Variants in TGM6 observed in about 807,000 individuals in gnomAD.
The protein encoded by TGM6 is transglutaminase 6.
A neutral mutation model predicts 77.5 loss-of-function variants in TGM6; 74 were observed. That is an observed-to-expected ratio of 0.96 (90% CI 0.79 to 1.16). The LOEUF is 1.16. Ranked by LOEUF, TGM6 falls within the 50% of genes most tolerant of loss-of-function variation. TGM6 has a pLI of 0.00. For missense variants in TGM6, 968 were observed against 940.2 expected (o/e 1.03, Z -0.39); for synonymous variants, 383 against 378.9 (o/e 1.01, Z -0.12).
intron 9 of TGM6, among the ~76,000 whole-genome samples, chr20:2,406,601 C>T (rs371298183): frequency 6.6e-6 from 1 of 151,332 alleles, no homozygotes; most frequent in Non-Finnish European, 1.5e-5. Flanking sequence ...TCTGGGAGGC[C>T]GAGGCAGGCA....
intron 1 of TGM6, 129 bp downstream of exon 1, chr20:2,381,104 C>A: frequency 7.4e-7 from 1 of 1,355,672 alleles, no homozygotes; most frequent in Non-Finnish European, 1.0e-6. Context: ...CCACCATGAA[C>A]ACATGAACTC....
chr20:2,393,973 C>A (rs186370728), intron 1 of TGM6, among the ~76,000 whole-genome samples: 1 of 152,122 alleles, frequency 6.6e-6, no homozygotes, highest in African/African-American at 2.4e-5. Flanking sequence ...TTAATTCAAC[C>A]TTTGCAGTGA....
rs756743789 is a variant in TGM6 at position 2,403,766 on chromosome 20, A to G, written c.1279A>G (p.Lys427Glu). The G allele has an allele frequency of 1.9e-6, 3 of 1,614,210 alleles. No individual in the cohort carries two copies. The highest frequency in any genetic ancestry group is 4.5e-5 in the East Asian group (2 of 44,876). ...GAAGATTGGGAGATGCATCAGCACCAAGGCGGTGGGCAGTGACTCCCGCGT... is the reference window on the plus strand; with the variant it reads ...GAAGATTGGGAGATGCATCAGCACCGAGGCGGTGGGCAGTGACTCCCGCGT... ...TKKIGRCIST[K>E]AVGSDSRVDI... The change falls in exon 9 of 13, where the codon AAG (lysine) becomes GAG (glutamate). Residue 427 changes from lysine (K) to glutamate (E), a missense_variant. Transcript: ENST00000202625.
rs929980710 is a variant in TGM6, at chr20:2,392,232, C to G, written c.8-2220C>G. 3.3e-5 allele frequency among the ~76,000 whole-genome samples: 5 copies of G among 152,168 alleles called. No individual in the cohort carries two copies. The South Asian group carries it at 1.0e-3, about 32-fold the overall frequency. On this transcript the variant is annotated intron_variant, in intron 1 of 12. Transcript: ENST00000202625. ...GTAGCATCCAGCACAATGCCCAGCA[C>G]GTGAATGAATGAACCCTGAATAGGG...
At position 2,430,911 on chromosome 20, in the gene TGM6, G is replaced by A; in HGVS notation, c.1851G>A (p.Met617Ile). The A allele has an allele frequency of 6.2e-7, 1 of 1,614,176 alleles. No homozygotes were observed. Among genetic ancestry groups the A allele is most frequent in the South Asian group, 1.1e-5 (1 of 91,084 alleles). ...FITIKVLGPA[M>I]VGVAVTVEVT... The stretch of plus-strand genomic sequence containing the variant: ...CCCTTCAGGTTCTGGGCCCAGCCAT[G>A]GTGGGAGTGGCAGTTACAGTGGAAG... Residue 617 changes from methionine to isoleucine, a missense_variant, in exon 12 of 13, where the codon ATG becomes ATA. Transcript: ENST00000202625.
chr20:2,420,062 G>A lies in TGM6; in HGVS notation c.1678+2489G>A, dbSNP rs185580854. Among the ~76,000 whole-genome samples, 48 of 152,266 alleles carry A rather than the reference G, an allele frequency of 3.2e-4. 1 individual carries two copies. The East Asian group carries it at 5.8e-3, about 18-fold the overall frequency. On this transcript the variant is annotated intron_variant, in intron 10 of 12. Coordinates refer to ENST00000202625, the MANE Select transcript of TGM6 (RefSeq NM_198994.3). ...GATGGAGACCATCCTAGCTAACACA[G>A]TGAAACCCCATCTCTACTAAAAATA...
intron 1 of TGM6, among the ~76,000 whole-genome samples, chr20:2,381,805 C>G (rs1396293100): frequency 6.6e-6 from 1 of 152,166 alleles, no homozygotes; most frequent in Non-Finnish European, 1.5e-5. Flanking sequence ...AAAGTCCCAG[C>G]TACTTGGGAG....
At chr20:2,395,868 A>G (rs1166924985) in intron 3 of TGM6, among the ~76,000 whole-genome samples, 2 of 152,236 alleles carry the variant, frequency 1.3e-5, no homozygotes, top group Non-Finnish European at 2.9e-5. Context: ...GGTGGCCAGG[A>G]TCAGTATTAT....
chr20:2,389,895 GGCTAATATGAATAACGGCT>G (rs1454330682), intron 1 of TGM6, among the ~76,000 whole-genome samples: 1 of 152,058 alleles, frequency 6.6e-6, no homozygotes, highest in African/African-American at 2.4e-5. Context: ...CCTATAGATG[GGCTAATATGAATAACGGCT>G]GCTTCTTTAC....
At chr20:2,414,639 A>AT in intron 9 of TGM6, among the ~76,000 whole-genome samples, 1 of 152,356 alleles carries the variant, frequency 6.6e-6, no homozygotes, top group East Asian at 1.9e-4. Flanking sequence ...TTTAAAATAG[A>AT]TAAAAAGTAG....
intron 1 of TGM6, among the ~76,000 whole-genome samples, chr20:2,389,466 C>A (rs981485177): frequency 3.9e-5 from 6 of 152,090 alleles, no homozygotes; most frequent in African/African-American, 7.2e-5. Context: ...TATCATTTTT[C>A]CAAGCTAAAC....
At chr20:2,395,790 G>A (rs1479307660) in intron 3 of TGM6, among the ~76,000 whole-genome samples, 2 of 152,206 alleles carry the variant, frequency 1.3e-5, no homozygotes, top group African/African-American at 2.4e-5. Context: ...TACCTCTTAT[G>A]ACTATGGTGA....
In TGM6 at chr20:2,421,369, A is replaced by G. The variant is rs539411425; in HGVS notation, c.1678+3796A>G. Among the ~76,000 whole-genome samples the G allele has an allele frequency of 1.6e-3, 251 of 152,346 alleles. 1 individual carries two copies. Among genetic ancestry groups the G allele is most frequent in the South Asian group, 9.9e-3 (48 of 4,828 alleles). Reference sequence around the variant, plus strand: ...AGTATGTTTTGGTAAGAAACTGACAAACTGTCTTCCAAAGTGGCTGTATCA... The same window carrying G: ...AGTATGTTTTGGTAAGAAACTGACAGACTGTCTTCCAAAGTGGCTGTATCA... On this transcript the variant is annotated intron_variant, in intron 10 of 12. Transcript: ENST00000202625.
intron 10 of TGM6, among the ~76,000 whole-genome samples, chr20:2,422,880 T>G (rs2875760): frequency 0.45 from 67,770 of 150,450 alleles, 16,445 homozygotes; most frequent in African/African-American, 0.65. Context: ...AGCCCGGGAG[T>G]TCAAGGCTGC....
chr20:2,403,293 C>T, intron 7 of TGM6, 104 bp from the exon 8 acceptor site: 2 of 1,187,894 alleles, frequency 1.7e-6, no homozygotes, highest in Non-Finnish European at 2.4e-6. Context: ...CATGCAGCCA[C>T]AGTTCTTGTG....
At chr20:2,428,712 T>A (rs1951822799) in intron 10 of TGM6, among the ~76,000 whole-genome samples, 1 of 152,008 alleles carries the variant, frequency 6.6e-6, no homozygotes. Flanking sequence ...AAAATAAAAA[T>A]AATAATACCC....
Position 2,430,936 on chromosome 20 carries a change from G to A in TGM6, c.1876G>A (p.Val626Met), listed in dbSNP as rs781525740. The A allele has an allele frequency of 7.4e-6, 12 of 1,614,090 alleles. No individual in the cohort carries two copies. The South Asian group carries it at 9.9e-5, about 13-fold the overall frequency. ...AMVGVAVTVE[V>M]TVVNPLIERV... Reference sequence around the variant, plus strand: ...GGTGGGAGTGGCAGTTACAGTGGAAGTGACAGTAGTCAACCCCCTCATAGA... The same window carrying A: ...GGTGGGAGTGGCAGTTACAGTGGAAATGACAGTAGTCAACCCCCTCATAGA... The change falls in exon 12 of 13, where the codon GTG (valine) becomes ATG (methionine). Residue 626 changes from valine to methionine, a missense_variant. By Grantham distance (21) the Val-to-Met change is conservative. Transcript: ENST00000202625.
chr20:2,413,682 T>A (rs2084797762), intron 9 of TGM6, among the ~76,000 whole-genome samples: 1 of 151,674 alleles, frequency 6.6e-6, no homozygotes. Context: ...ACATGAAAAA[T>A]TTTTAAAAAA....
intron 1 of TGM6, among the ~76,000 whole-genome samples, chr20:2,381,307 A>G (rs1472567593): frequency 6.6e-6 from 1 of 152,156 alleles, no homozygotes; most frequent in Non-Finnish European, 1.5e-5. Flanking sequence ...CCCCATGCAC[A>G]TTCCATGGAT....
Sources: allele counts gnomAD v4.1 joint callset (sites outside exome capture counted in the v4.1 genomes callset), GRCh38; gene constraint gnomAD v4.1.1; transcripts MANE v1.5; gene names NCBI Gene and HGNC (gene_info 2026-07-23, HGNC 2026-07-21).